SEMA6D: variants seen among roughly 807,000 people sequenced by gnomAD.
The protein encoded by SEMA6D is semaphorin 6D, also known as semaphorin-6D.
A neutral mutation model predicts 106.6 loss-of-function variants in SEMA6D; 35 were observed. The observed-to-expected ratio is 0.33, with a 90% CI of 0.25 to 0.44. The LOEUF (loss-of-function observed/expected upper bound fraction) is 0.44, where lower values mean the gene tolerates loss of function less well. Ranked by LOEUF, SEMA6D falls within the 20% of genes least tolerant of loss-of-function variation. The pLI is 1.00. For missense variants in SEMA6D, 1,185 were observed against 1,345.9 expected (o/e 0.88, Z 1.87); for synonymous variants, 499 against 487.7 (o/e 1.02, Z -0.31).
At chr15:47,531,565 A>G (rs939669908) in intron 3 of SEMA6D, among the ~76,000 whole-genome samples, 1 of 152,246 alleles carries the variant, frequency 6.6e-6, no homozygotes, top group Non-Finnish European at 1.5e-5. Context: ...ATTTGTGATG[A>G]TCTCCTTTTT....
At chr15:47,265,803 T>A (rs1025278168) in intron 1 of SEMA6D, among the ~76,000 whole-genome samples, 5 of 152,116 alleles carry the variant, frequency 3.3e-5, no homozygotes, top group African/African-American at 1.2e-4. Flanking sequence ...ATTTAGAGAC[T>A]GGCTGGATTA....
At chr15:47,432,085 T>C (rs1340732520) in intron 2 of SEMA6D, among the ~76,000 whole-genome samples, 1 of 152,050 alleles carries the variant, frequency 6.6e-6, no homozygotes, top group Non-Finnish European at 1.5e-5. Flanking sequence ...TCTAAAAAGA[T>C]ATTTTCTTTT....
chr15:47,397,724 C>T (rs753443328), intron 1 of SEMA6D: 1 of 152,162 alleles, frequency 6.6e-6, no homozygotes, highest in African/African-American at 2.4e-5. Flanking sequence ...GATGAAACTT[C>T]AGCATTTCCT....
Position 47,760,286 on chromosome 15 carries a change from G to A in SEMA6D, c.110-18G>A, listed in dbSNP as rs752830226. 16 of 1,570,312 alleles carry A rather than the reference G, an allele frequency of 1.0e-5. No homozygotes were observed. The highest frequency in any genetic ancestry group is 1.7e-5 in the Admixed American group (1 of 59,810). ...CTCCATAATCCTGAATGATGGTTTA[G>A]CCCATTTTTACTTGCAGATTCAAGG... On this transcript the variant is annotated intron_variant, in intron 2 of 18. Coordinates refer to ENST00000536845, the MANE Select transcript of SEMA6D (RefSeq NM_001358351.3).
At chr15:47,228,023 T>TA (rs1342362631) in intron 1 of SEMA6D, among the ~76,000 whole-genome samples, 3 of 143,048 alleles carry the variant, frequency 2.1e-5, no homozygotes, top group South Asian at 4.2e-4. Flanking sequence ...GAATCATATA[T>TA]TTTTTATATA....
intron 1 of SEMA6D, among the ~76,000 whole-genome samples, chr15:47,341,874 C>G (rs1207618394): frequency 6.6e-6 from 1 of 152,078 alleles, no homozygotes; most frequent in African/African-American, 2.4e-5. Flanking sequence ...TTGCCTCCCA[C>G]CCCTTTCCCT....
At chr15:47,257,379 T>G (rs780377172) in intron 1 of SEMA6D, among the ~76,000 whole-genome samples, 11 of 152,184 alleles carry the variant, frequency 7.2e-5, no homozygotes, top group Non-Finnish European at 1.5e-4. Flanking sequence ...TTTCTTTAGG[T>G]AGGAACTTCA....
intron 3 of SEMA6D, among the ~76,000 whole-genome samples, chr15:47,513,312 T>A (rs1366819337): frequency 3.3e-5 from 5 of 152,196 alleles, no homozygotes; most frequent in Non-Finnish European, 5.9e-5. Flanking sequence ...GTAGCCCACT[T>A]CTATGTATAC....
At chr15:47,227,579 A>G (rs902427293) in intron 1 of SEMA6D, among the ~76,000 whole-genome samples, 1 of 146,284 alleles carries the variant, frequency 6.8e-6, no homozygotes, top group South Asian at 2.1e-4. Context: ...TCACACACAC[A>G]CACACACACA....
intron 8 of SEMA6D, among the ~76,000 whole-genome samples, chr15:47,762,549 AAAG>A (rs1183771797): frequency 6.6e-6 from 1 of 152,182 alleles, no homozygotes; most frequent in Non-Finnish European, 1.5e-5. Flanking sequence ...CTCAAAAAAA[AAAG>A]GGGAGATTTC....
At chr15:47,549,819 G>T (rs2045628864) in intron 3 of SEMA6D, among the ~76,000 whole-genome samples, 1 of 152,132 alleles carries the variant, frequency 6.6e-6, no homozygotes, top group Admixed American at 6.6e-5. Flanking sequence ...AAGGGATTTT[G>T]GAAGTGTGCA....
intron 4 of SEMA6D, among the ~76,000 whole-genome samples, chr15:47,683,313 T>C (rs2078398707): frequency 6.6e-6 from 1 of 152,196 alleles, no homozygotes; most frequent in Non-Finnish European, 1.5e-5. Context: ...ATGCAGTATT[T>C]GATTTTCTGT....
At chr15:47,565,177 C>T (rs1185858302) in intron 3 of SEMA6D, among the ~76,000 whole-genome samples, 4 of 152,176 alleles carry the variant, frequency 2.6e-5, no homozygotes, top group South Asian at 2.1e-4. Flanking sequence ...AAAAGAGCAC[C>T]GTAACATGCC....
intron 1 of SEMA6D, among the ~76,000 whole-genome samples, chr15:47,728,326 A>AT (rs1162516804): frequency 2.9e-4 from 44 of 152,350 alleles, no homozygotes; most frequent in African/African-American, 9.6e-4. Flanking sequence ...CTCTAGTGAA[A>AT]AGTATTATTA....
Position 47,764,038 on chromosome 15 carries a change from G to A in SEMA6D, c.936G>A (p.Val312=). 2 of 1,613,882 alleles carry A rather than the reference G, an allele frequency of 1.2e-6. No homozygotes were observed. Among genetic ancestry groups the A allele is most frequent in the Non-Finnish European group, 8.5e-7 (1 of 1,179,856 alleles). The stretch of plus-strand genomic sequence containing the variant: ...TACAAATCAATGGCATCCCCACTGT[G>A]GTCGGGGTGTTTACCACGCAGCTCA... The part of the protein sequence containing the change: ...DIIQINGIPT[V]VGVFTTQLNS... Residue 312 remains valine (V), a synonymous_variant, in exon 10 of 19, where the codon GTG becomes GTA. Transcript: ENST00000536845.
intron 1 of SEMA6D, chr15:47,730,308 T>C: frequency 2.0e-6 from 3 of 1,521,276 alleles, no homozygotes; most frequent in Non-Finnish European, 2.7e-6. Flanking sequence ...AAAGCGCCTT[T>C]GTCTTCCGAG....
intron 3 of SEMA6D, among the ~76,000 whole-genome samples, chr15:47,481,815 C>T (rs1241391477): frequency 6.6e-6 from 1 of 152,120 alleles, no homozygotes; most frequent in African/African-American, 2.4e-5. Context: ...GTTTAAGATA[C>T]AGCTCTATAT....
chr15:47,631,445 CT>C (rs1430195011), intron 4 of SEMA6D, among the ~76,000 whole-genome samples: 2 of 151,146 alleles, frequency 1.3e-5, no homozygotes, highest in African/African-American at 2.4e-5. Context: ...TAAATGTTAC[CT>C]TATACACACG....
chr15:47,689,122 T>C (rs575629765), intron 4 of SEMA6D, among the ~76,000 whole-genome samples: 4 of 152,338 alleles, frequency 2.6e-5, no homozygotes, highest in African/African-American at 7.2e-5. Context: ...TGGAAACAGA[T>C]ATGAGCTTAG....
Sources: gnomAD v4.1 joint callset for allele counts (sites outside exome capture counted in the v4.1 genomes callset) on GRCh38, gnomAD v4.1.1 for gene constraint, MANE v1.5 for transcripts, NCBI Gene and HGNC (gene_info 2026-07-23, HGNC 2026-07-21) for gene names.